KLHL42: variants seen among roughly 807,000 people sequenced by gnomAD.
KLHL42 encodes kelch like family member 42.
In KLHL42, 27 loss-of-function variants were observed where a neutral mutation model predicts 32.7. The ratio of observed to expected loss-of-function variants is 0.83; its 90% CI spans 0.61 to 1.14. The LOEUF is 1.14. Among genes scored for constraint, KLHL42 ranks in the 50% most tolerant of loss-of-function variants. The pLI, the probability that KLHL42 is intolerant of heterozygous loss-of-function variation, is 0.00. For missense variants in KLHL42, 491 were observed against 560.8 expected, an observed-to-expected ratio of 0.88 and a Z score of 1.26; for synonymous variants, 267 against 248.2, an observed-to-expected ratio of 1.08 and a Z score of -0.71.
intron 1 of KLHL42, among the ~76,000 whole-genome samples, chr12:27,785,838 A>G (rs993210437): frequency 6.6e-6 from 1 of 152,228 alleles, no homozygotes; most frequent in African/African-American, 2.4e-5. Context: ...TTTTTACATT[A>G]TTGTAATAAA....
rs2062236777 is a variant in KLHL42 at position 27,799,863 on chromosome 12, AC to A, written c.*1698del. On this transcript the variant is annotated 3_prime_UTR_variant, in exon 3 of 3. Transcript: ENST00000381271. Reference sequence around the variant, plus strand: ...AAATAATCTTACCTCTAGTCTACTTACAACTTTGTAAGGGTTTCTAAGCTAT... The same window carrying A: ...AAATAATCTTACCTCTAGTCTACTTAAACTTTGTAAGGGTTTCTAAGCTAT... The A allele has an allele frequency of 2.2e-6, 1 of 453,306 alleles. No individual in the cohort carries two copies. Among genetic ancestry groups the A allele is most frequent in the Non-Finnish European group, 2.9e-6 (1 of 343,394 alleles). The allele number at this position is 453,306 out of a possible 1,614,324, so 28.1% of individuals were successfully genotyped here. A position where few individuals can be genotyped will look rare whatever the true frequency, so the allele number is the denominator to read the frequency against.
intron 2 of KLHL42, among the ~76,000 whole-genome samples, chr12:27,793,963 G>C (rs1035294313): frequency 6.6e-6 from 1 of 152,216 alleles, no homozygotes; most frequent in African/African-American, 2.4e-5. Context: ...CATCCAGATA[G>C]GTGACAGAAA....
At position 27,802,249 on chromosome 12, in the gene KLHL42, T is replaced by G. The variant is rs1238963934; in HGVS notation, c.*4083T>G. Reference sequence around the variant, plus strand: ...AATGCTCACCAAGCACTGCAGACTTTGGAGTTAGGGATTCAGCAGCTTGTT... The same window carrying G: ...AATGCTCACCAAGCACTGCAGACTTGGGAGTTAGGGATTCAGCAGCTTGTT... On this transcript the variant is annotated 3_prime_UTR_variant, in exon 3 of 3. Transcript: ENST00000381271. 6.6e-6 allele frequency: 1 copy of G among 152,208 alleles called. No homozygotes were observed. Among genetic ancestry groups the G allele is most frequent in the Non-Finnish European group, 1.5e-5 (1 of 68,038 alleles). 9.4% of individuals were successfully genotyped at this position (152,208 alleles called of 1,614,324 possible). A position where few individuals can be genotyped will look rare whatever the true frequency, so the allele number is the denominator to read the frequency against.
chr12:27,798,651 T>TA lies in KLHL42; in HGVS notation c.*486dup. 1 of 157,644 alleles carries TA rather than the reference T, an allele frequency of 6.3e-6. No homozygotes were observed. Among genetic ancestry groups the TA allele is most frequent in the East Asian group, 1.9e-4 (1 of 5,358 alleles). 9.8% of individuals were successfully genotyped at this position (157,644 alleles called of 1,614,324 possible). On this transcript the variant is annotated 3_prime_UTR_variant, in exon 3 of 3. Transcript: ENST00000381271. Reference sequence around the variant, plus strand: ...CTTCTCCATCACCCATACCCACACATACATCTAGTATGTTTAGGGTTCTGT... The same window carrying TA: ...CTTCTCCATCACCCATACCCACACATAACATCTAGTATGTTTAGGGTTCTGT...
chr12:27,799,881 C>A lies in KLHL42; in HGVS notation c.*1715C>A. 1.6e-6 allele frequency: 1 copy of A among 644,276 alleles called. No individual in the cohort carries two copies. The allele number at this position is 644,276 out of a possible 1,614,324, so 39.9% of individuals were successfully genotyped here. Reference sequence around the variant, plus strand: ...TCTACTTACAACTTTGTAAGGGTTTCTAAGCTATGCCCATTTATTCCCAAA... The same window carrying A: ...TCTACTTACAACTTTGTAAGGGTTTATAAGCTATGCCCATTTATTCCCAAA... On this transcript the variant is annotated 3_prime_UTR_variant, in exon 3 of 3. Transcript: ENST00000381271.
intron 1 of KLHL42, among the ~76,000 whole-genome samples, chr12:27,781,597 T>C (rs755814258): frequency 7.2e-5 from 11 of 152,218 alleles, no homozygotes; most frequent in Non-Finnish European, 7.3e-5. Context: ...GACAGTAACC[T>C]GTAACACTGA....
intron 1 of KLHL42, among the ~76,000 whole-genome samples, chr12:27,782,648 A>G (rs549062801): frequency 6.6e-6 from 1 of 152,226 alleles, no homozygotes; most frequent in East Asian, 1.9e-4. Flanking sequence ...CTAGCTACAC[A>G]TCATTTGGTG....
rs746437549 is a variant in KLHL42, at chr12:27,798,109, T to C, written c.1461T>C (p.Ala487=). The C allele has an allele frequency of 2.6e-6, 2 of 780,900 alleles. No individual in the cohort carries two copies. Among genetic ancestry groups the C allele is most frequent in the Admixed American group, 1.7e-5 (1 of 59,030 alleles). 48.4% of individuals were successfully genotyped at this position (780,900 alleles called of 1,614,324 possible). ...GGGAAGCATTTCGGCGTTTTCCAGC[T>C]TTTGGACATAACTTGCTGGTTTCTT... ...DSWEAFRRFP[A]FGHNLLVSSL... is the part of the protein sequence containing the mutation. The change falls in exon 3 of 3, where the codon GCT becomes GCC. Residue 487 remains alanine (A), a synonymous_variant. Transcript: ENST00000381271.
rs2062228818 is a variant in KLHL42 at position 27,798,203 on chromosome 12, A to G, written c.*37A>G. 1.3e-6 allele frequency: 1 copy of G among 740,786 alleles called. No individual in the cohort carries two copies. The highest frequency in any genetic ancestry group is 1.7e-5 in the African/African-American group (1 of 57,662). The allele number at this position is 740,786 out of a possible 1,614,324, so 45.9% of individuals were successfully genotyped here. A position where few individuals can be genotyped will look rare whatever the true frequency, so the allele number is the denominator to read the frequency against. Reference sequence around the variant, plus strand: ...TGGTAGATGAAAAAAACCTGGTTCAAGTTTTTTTTAAAATGTGGTGTCCCA... The same window carrying G: ...TGGTAGATGAAAAAAACCTGGTTCAGGTTTTTTTTAAAATGTGGTGTCCCA... On this transcript the variant is annotated 3_prime_UTR_variant, in exon 3 of 3. Coordinates refer to ENST00000381271, the MANE Select transcript of KLHL42 (RefSeq NM_020782.2).
rs550839315 is a variant in KLHL42 at position 27,795,753 on chromosome 12, T to C, written c.1067-1962T>C. ...GATTATTTTAATTCTTTAGCAGCAC[T>C]GAAGAAATTCAGAGAAGTTCAATAG... On this transcript the variant is annotated intron_variant, in intron 2 of 2. Transcript: ENST00000381271. Among the ~76,000 whole-genome samples, 19 of 152,326 alleles carry C rather than the reference T, an allele frequency of 1.2e-4. No homozygotes were observed. In the South Asian group the frequency reaches 3.9e-3, roughly 32 times the overall value.
At chr12:27,795,666 A>C (rs1420643079) in intron 2 of KLHL42, among the ~76,000 whole-genome samples, 2 of 152,182 alleles carry the variant, frequency 1.3e-5, no homozygotes, top group Admixed American at 1.3e-4. Flanking sequence ...CTGACTTCTT[A>C]AGTCAAGTGA....
chr12:27,792,593 G>A lies in KLHL42; in HGVS notation c.1066+692G>A, dbSNP rs143659975. Among the ~76,000 whole-genome samples, 436 of 152,108 alleles carry A rather than the reference G, an allele frequency of 2.9e-3. 2 individuals carry two copies. The highest frequency in any genetic ancestry group is 5.1e-3 in the Non-Finnish European group (345 of 67,986). ...GGCTGGAGTGCAGTGGCGTGATCTC[G>A]GCTCACTGCAATCTCTGCCTCCTGG... On this transcript the variant is annotated intron_variant, in intron 2 of 2. Coordinates refer to ENST00000381271, the MANE Select transcript of KLHL42 (RefSeq NM_020782.2).
In KLHL42 at chr12:27,791,705, C is replaced by T. The variant is rs1299885685; in HGVS notation, c.873-3C>T. The stretch of plus-strand genomic sequence containing the variant: ...TCTGTGGGCCTTTGTGTCTCTCTTT[C>T]AGGTCTAACTTCAAACTTGTGGCTG... On this transcript the variant is annotated splice_region_variant and splice_polypyrimidine_tract_variant and intron_variant, in intron 1 of 2. Transcript: ENST00000381271. The T allele has an allele frequency of 6.2e-7, 1 of 1,612,370 alleles. No homozygotes were observed. The highest frequency in any genetic ancestry group is 8.5e-7 in the Non-Finnish European group (1 of 1,178,566).
At chr12:27,794,960 T>G (rs1375327536) in intron 2 of KLHL42, among the ~76,000 whole-genome samples, 1 of 151,684 alleles carries the variant, frequency 6.6e-6, no homozygotes, top group East Asian at 1.9e-4. Context: ...CCTTCAACAC[T>G]GGTTGTCAGG....
At chr12:27,797,102 G>A in intron 2 of KLHL42, 1 of 385,202 alleles carries the variant, frequency 2.6e-6, no homozygotes, top group East Asian at 7.2e-5. Context: ...ACTAAGGCTA[G>A]GCATGGTAAA....
At chr12:27,785,325 C>A (rs1401544271) in intron 1 of KLHL42, among the ~76,000 whole-genome samples, 4 of 152,156 alleles carry the variant, frequency 2.6e-5, no homozygotes, top group Non-Finnish European at 5.9e-5. Context: ...TCAGCCTCCC[C>A]AGTAGCTGGG....
At chr12:27,794,355 C>T (rs1405454901) in intron 2 of KLHL42, among the ~76,000 whole-genome samples, 1 of 152,182 alleles carries the variant, frequency 6.6e-6, no homozygotes, top group East Asian at 1.9e-4. Flanking sequence ...TCATATGATG[C>T]CCCTGCCTCT....
At position 27,780,434 on chromosome 12, in the gene KLHL42, G is replaced by T; in HGVS notation, c.104G>T (p.Arg35Leu). The part of the protein sequence containing the change: ...EQSDYFRALY[R>L]SGMREALSQE... ...AGCGACTACTTCCGCGCCCTCTACC[G>T]CTCCGGCATGCGCGAGGCCCTGAGC... The change falls in exon 1 of 3, where the codon CGC becomes CTC. Residue 35 changes from arginine (R) to leucine (L), a missense_variant. Around this residue, in one of 4 missense-constraint regions of KLHL42, gnomAD observed 88 missense variants for 89.0 expected, o/e 0.99. Coordinates refer to ENST00000381271, the MANE Select transcript of KLHL42 (RefSeq NM_020782.2). This position sits in a 1 kb window ranked among gnomAD's most constrained non-coding sequence, Gnocchi z 8.8. The T allele has an allele frequency of 6.5e-7, 1 of 1,550,376 alleles. No individual in the cohort carries two copies.
chr12:27,798,917 ATTGTT>A lies in KLHL42; in HGVS notation c.*754_*758del, dbSNP rs2099580806. 6.6e-6 allele frequency: 1 copy of A among 152,454 alleles called. No homozygotes were observed. The highest frequency in any genetic ancestry group is 2.4e-5 in the African/African-American group (1 of 41,362). 9.4% of individuals were successfully genotyped at this position (152,454 alleles called of 1,614,324 possible). On this transcript the variant is annotated 3_prime_UTR_variant, in exon 3 of 3. Transcript: ENST00000381271. Reference sequence around the variant, plus strand: ...TAGGTTGCACTGCTAGGCATTCTGTATTGTTTTAAAGAGGATATATTATTTAGAAA... The same window carrying A: ...TAGGTTGCACTGCTAGGCATTCTGTATTAAAGAGGATATATTATTTAGAAA...
Sources: gnomAD v4.1 joint callset for allele counts (sites outside exome capture counted in the v4.1 genomes callset) on GRCh38, gnomAD v4.1.1 for gene constraint, gnomAD v4.1.1 regional missense constraint, Gnocchi (gnomAD v3.1) non-coding constraint, MANE v1.5 for transcripts, NCBI Gene and HGNC (gene_info 2026-07-23, HGNC 2026-07-21) for gene names.